The following TPTE variants were observed in gnomAD, a reference collection of about 807,000 sequenced individuals.
TPTE encodes the protein transmembrane phosphatase with tensin homology.
Under a neutral mutation model 84.1 loss-of-function variants are expected in TPTE, and 59 were observed. That is an observed-to-expected ratio of 0.70 (90% CI 0.57 to 0.87). The LOEUF (loss-of-function observed/expected upper bound fraction) is 0.87, where lower values mean the gene tolerates loss of function less well. TPTE is among the 40% of genes least tolerant of loss of function. The probability of loss-of-function intolerance (pLI) is 0.00; values close to 1 mark genes in which losing one functional copy is unlikely to be tolerated. For missense variants in TPTE, 382 were observed against 659.6 expected, an observed-to-expected ratio of 0.58 and a Z score of 4.61; for synonymous variants, 130 against 223.5, an observed-to-expected ratio of 0.58 and a Z score of 3.73.
intron 14 of TPTE, among the ~76,000 whole-genome samples, chr21:10,576,049 A>G (rs2075143362): frequency 6.6e-6 from 1 of 152,308 alleles, no homozygotes; most frequent in East Asian, 1.9e-4. Flanking sequence ...CAGAAATACC[A>G]TCAGACCCAG....
intron 7 of TPTE, among the ~76,000 whole-genome samples, chr21:10,548,032 A>G (rs2074501221): frequency 1.3e-5 from 2 of 152,308 alleles, no homozygotes; most frequent in African/African-American, 2.4e-5. Flanking sequence ...AACCACAGAC[A>G]TGCTCCTGGC....
intron 10 of TPTE, among the ~76,000 whole-genome samples, chr21:10,562,505 G>T (rs1245775832): frequency 6.6e-6 from 1 of 152,300 alleles, no homozygotes; most frequent in East Asian, 1.9e-4. Flanking sequence ...GAAACTCAAA[G>T]AAATTCAAGA....
intron 20 of TPTE, 78 bp from the exon 21 acceptor site, chr21:10,597,937 T>C: frequency 1.3e-6 from 2 of 1,545,580 alleles, no homozygotes; most frequent in Non-Finnish European, 1.8e-6. Context: ...CTCATTTTAA[T>C]CCATGATGTT....
intron 5 of TPTE, among the ~76,000 whole-genome samples, chr21:10,542,107 A>G (rs28693859): frequency 0.041 from 6,191 of 150,036 alleles, 1 homozygote; most frequent in African/African-American, 0.15. Flanking sequence ...TGAGTTTGAA[A>G]TAACTACCAC....
At chr21:10,561,599 A>ACC (rs1231096545) in intron 10 of TPTE, among the ~76,000 whole-genome samples, 3 of 152,192 alleles carry the variant, frequency 2.0e-5, no homozygotes, top group African/African-American at 7.2e-5. Flanking sequence ...GTCTGGCAGT[A>ACC]CCCCCCCCAT....
chr21:10,596,771 G>A (rs1432324859), intron 20 of TPTE, among the ~76,000 whole-genome samples: 1 of 152,312 alleles, frequency 6.6e-6, no homozygotes, highest in African/African-American at 2.4e-5. Context: ...TGCTATAGGT[G>A]CCATGGGGCC....
At chr21:10,536,791 T>C (rs528010627) in intron 3 of TPTE, among the ~76,000 whole-genome samples, 12 of 152,418 alleles carry the variant, frequency 7.9e-5, no homozygotes, top group African/African-American at 2.9e-4. Context: ...CTTGTTATTG[T>C]CTTGTCACCC....
chr21:10,526,732 G>GTGTAGAGAGCAGGTTGTCTAA (rs1356969531), intron 2 of TPTE, among the ~76,000 whole-genome samples: 54 of 152,248 alleles, frequency 3.5e-4, no homozygotes, highest in Admixed American at 3.5e-3. Context: ...ATAATATATG[G>GTGTAGAGAGCAGGTTGTCTAA]TGTAGAGAGC....
chr21:10,550,164 G>A (rs1219138735), intron 7 of TPTE, among the ~76,000 whole-genome samples: 1 of 152,310 alleles, frequency 6.6e-6, no homozygotes, highest in African/African-American at 2.4e-5. Flanking sequence ...AAATGCCCAA[G>A]GGAGTCTTAC....
At chr21:10,547,779 G>T (rs1568964791) in intron 7 of TPTE, among the ~76,000 whole-genome samples, 1 of 152,310 alleles carries the variant, frequency 6.6e-6, no homozygotes, top group Admixed American at 6.5e-5. Flanking sequence ...TTGGTCCCAG[G>T]ACTGGCTGTA....
chr21:10,535,830 T>TCCTG (rs1391720329), intron 3 of TPTE, among the ~76,000 whole-genome samples: 5 of 152,308 alleles, frequency 3.3e-5, no homozygotes, highest in African/African-American at 4.8e-5. Context: ...TGTAGGGAGT[T>TCCTG]CCTGACTCAG....
intron 10 of TPTE, among the ~76,000 whole-genome samples, chr21:10,564,482 C>T (rs918000398): frequency 1.3e-5 from 2 of 152,312 alleles, no homozygotes; most frequent in Admixed American, 6.5e-5. Flanking sequence ...TGCACTCTAG[C>T]CTGGGTGACA....
chr21:10,590,303 A>G (rs1419685445), intron 17 of TPTE, among the ~76,000 whole-genome samples, 159 bp from the exon 18 acceptor site: 8 of 152,304 alleles, frequency 5.3e-5, no homozygotes, highest in East Asian at 3.8e-4. Context: ...GGAGGTCGCA[A>G]TGAGCCAAGA....
intron 3 of TPTE, among the ~76,000 whole-genome samples, chr21:10,530,412 T>C (rs1351609804): frequency 1.3e-5 from 2 of 152,312 alleles, no homozygotes; most frequent in African/African-American, 2.4e-5. Context: ...TGTATTATTG[T>C]TTTGCCTATA....
intron 21 of TPTE, among the ~76,000 whole-genome samples, chr21:10,599,612 T>A (rs1394441711): frequency 6.6e-6 from 1 of 152,308 alleles, no homozygotes; most frequent in Non-Finnish European, 1.5e-5. Flanking sequence ...CAGGCCTCTT[T>A]GTCACATAGG....
At chr21:10,573,114 G>A (rs1421083031) in intron 14 of TPTE, among the ~76,000 whole-genome samples, 8 of 151,670 alleles carry the variant, frequency 5.3e-5, no homozygotes, top group African/African-American at 1.9e-4. Context: ...AACTTCACCT[G>A]TAAAGGATCA....
At chr21:10,574,569 T>C (rs2075112764) in intron 14 of TPTE, among the ~76,000 whole-genome samples, 1 of 152,308 alleles carries the variant, frequency 6.6e-6, no homozygotes, top group Non-Finnish European at 1.5e-5. Flanking sequence ...GGCGAGGGAA[T>C]TCAGCACCTT....
At chr21:10,588,112 G>T (rs1166628809) in intron 17 of TPTE, among the ~76,000 whole-genome samples, 2 of 152,300 alleles carry the variant, frequency 1.3e-5, no homozygotes, top group Non-Finnish European at 2.9e-5. Flanking sequence ...GCCTCCCAAA[G>T]TGCTGGGATT....
chr21:10,555,885 A>C (rs966305173), intron 8 of TPTE, among the ~76,000 whole-genome samples: 1 of 152,312 alleles, frequency 6.6e-6, no homozygotes, highest in African/African-American at 2.4e-5. Context: ...CGTACCTGTG[A>C]AAGATAAGAA....
Sources: gnomAD v4.1 joint callset for allele counts (sites outside exome capture counted in the v4.1 genomes callset) on GRCh38, gnomAD v4.1.1 for gene constraint, MANE v1.5 for transcripts, NCBI Gene and HGNC (gene_info 2026-07-23, HGNC 2026-07-21) for gene names.